Variants in VPS36 observed in about 807,000 individuals in gnomAD.
VPS36 encodes vacuolar protein-sorting-associated protein 36.
In VPS36, 31 loss-of-function variants were observed where a neutral mutation model predicts 63.5. The ratio of observed to expected loss-of-function variants is 0.49; its 90% CI spans 0.37 to 0.66. The LOEUF is 0.66. VPS36 is among the 30% of genes least tolerant of loss of function. The pLI, the probability that VPS36 is intolerant of heterozygous loss-of-function variation, is 0.00. For missense variants in VPS36, 338 were observed against 463.7 expected, an observed-to-expected ratio of 0.73 and a Z score of 2.49; for synonymous variants, 138 against 157.2, an observed-to-expected ratio of 0.88 and a Z score of 0.91.
intron 3 of VPS36, among the ~76,000 whole-genome samples, chr13:52,437,593 C>A (rs1018764106): frequency 2.0e-5 from 3 of 152,108 alleles, no homozygotes; most frequent in Admixed American, 1.3e-4. Context: ...TGTGTACATT[C>A]TTTTATCAAG....
Position 52,427,032 on chromosome 13 carries a change from G to T in VPS36, c.596C>A (p.Ala199Asp). The T allele has an allele frequency of 6.2e-7, 1 of 1,612,528 alleles. No homozygotes were observed. Among genetic ancestry groups the T allele is most frequent in the Non-Finnish European group, 8.5e-7 (1 of 1,179,472 alleles). ...ACCTTGTTTGTCTTTAATTTTATTA[G>T]CAATTGATTTTGATAATTCCACCAT... ...KEMVELSKSI[A>D]NKIKDKQGDI... The change falls in exon 8 of 14, where the codon GCT (alanine) becomes GAT (aspartate). Residue 199 changes from alanine (A) to aspartate (D), a missense_variant. Coordinates refer to ENST00000378060, the MANE Select transcript of VPS36 (RefSeq NM_016075.4).
chr13:52,428,454 T>C (rs1162932551), intron 6 of VPS36, among the ~76,000 whole-genome samples: 1 of 152,212 alleles, frequency 6.6e-6, no homozygotes, highest in East Asian at 1.9e-4. Flanking sequence ...TTGCGTATTC[T>C]TATGGCCAAC....
intron 2 of VPS36, 36 bp from the exon 3 acceptor site, chr13:52,439,204 A>G (rs1241747210): frequency 1.9e-6 from 3 of 1,587,524 alleles, no homozygotes; most frequent in Admixed American, 1.7e-5. Flanking sequence ...GAAAGACTCT[A>G]AACAACATCC....
intron 10 of VPS36, among the ~76,000 whole-genome samples, chr13:52,419,291 C>G (rs141607730): frequency 6.6e-6 from 1 of 152,192 alleles, no homozygotes; most frequent in Non-Finnish European, 1.5e-5. Flanking sequence ...CTGCTGATAC[C>G]CAGCCAAAGG....
At chr13:52,450,465 G>A in intron 1 of VPS36, 34 bp downstream of exon 1, 2 of 1,572,776 alleles carry the variant, frequency 1.3e-6, no homozygotes, top group Non-Finnish European at 1.7e-6. Flanking sequence ...GGTCCCTTCC[G>A]CCAGCCCGTT....
chr13:52,422,315 G>C (rs1160604391), intron 10 of VPS36, among the ~76,000 whole-genome samples: 1 of 151,914 alleles, frequency 6.6e-6, no homozygotes, highest in African/African-American at 2.4e-5. Context: ...TGACTGAATT[G>C]TATTCCATTT....
At chr13:52,428,738 A>AT (rs1170834489) in intron 6 of VPS36, among the ~76,000 whole-genome samples, 7 of 152,098 alleles carry the variant, frequency 4.6e-5, no homozygotes, top group African/African-American at 4.8e-5. Flanking sequence ...ATATTAATAG[A>AT]TTTTTTTATC....
At chr13:52,436,535 C>T in intron 3 of VPS36, 131 bp from the exon 4 acceptor site, 1 of 672,716 alleles carries the variant, frequency 1.5e-6, no homozygotes, top group Admixed American at 2.8e-5. Context: ...CAAAAAGCAT[C>T]CTTTTAAAGT....
chr13:52,444,585 T>C (rs916985387), intron 1 of VPS36, among the ~76,000 whole-genome samples: 104 of 134,284 alleles, frequency 7.7e-4, no homozygotes, highest in Non-Finnish European at 4.6e-4. Flanking sequence ...CACACACACA[T>C]ATATATATGA....
rs754862630 is a variant in VPS36 at position 52,416,055 on chromosome 13, A to C, written c.1029T>G (p.Ala343=). 1 of 1,613,910 alleles carries C rather than the reference A, an allele frequency of 6.2e-7. No individual in the cohort carries two copies. The highest frequency in any genetic ancestry group is 8.5e-7 in the Non-Finnish European group (1 of 1,179,990). ...EKGSLTSEEF[A]KLVGMSVLLA... ...GGAGGACAGACATTCCCACAAGCTT[A>C]GCAAACTCTTCTGATGTTAGGGATC... Residue 343 remains alanine, a synonymous_variant, in exon 13 of 14, where the codon GCT becomes GCG. Coordinates refer to ENST00000378060, the MANE Select transcript of VPS36 (RefSeq NM_016075.4).
intron 12 of VPS36, 128 bp from the exon 13 acceptor site, chr13:52,416,221 C>T (rs1384123003): frequency 1.2e-5 from 11 of 897,224 alleles, no homozygotes; most frequent in Middle Eastern, 2.9e-4. Flanking sequence ...GAATGTCCTA[C>T]TAAAATCCAA....
intron 10 of VPS36, among the ~76,000 whole-genome samples, chr13:52,418,404 G>A (rs1174528186): frequency 2.0e-5 from 3 of 151,638 alleles, no homozygotes; most frequent in East Asian, 1.9e-4. Context: ...GTGAAACCCC[G>A]TCTCTACTAA....
intron 10 of VPS36, among the ~76,000 whole-genome samples, chr13:52,422,658 C>A (rs534665586): frequency 6.6e-6 from 1 of 152,290 alleles, no homozygotes; most frequent in South Asian, 2.1e-4. Context: ...GGGTATTTGG[C>A]TTTCGTTGCT....
chr13:52,438,395 T>A (rs865965988), intron 3 of VPS36, among the ~76,000 whole-genome samples: 3 of 152,216 alleles, frequency 2.0e-5, no homozygotes, highest in Non-Finnish European at 2.9e-5. Context: ...CATAACATTA[T>A]GATCAAGGCA....
At position 52,417,587 on chromosome 13, in the gene VPS36, C is replaced by T. The variant is rs578025427; in HGVS notation, c.905+405G>A. On this transcript the variant is annotated intron_variant, in intron 11 of 13. Transcript: ENST00000378060. ...GTTGGTCAGGTTGGTCTCGAACTCCCGACCTCAGGTGATCTGCCCGCCTCA... is the reference window on the plus strand; with the variant it reads ...GTTGGTCAGGTTGGTCTCGAACTCCTGACCTCAGGTGATCTGCCCGCCTCA... 7.9e-5 allele frequency among the ~76,000 whole-genome samples: 12 copies of T among 152,244 alleles called. No homozygotes were observed. The South Asian group carries it at 2.3e-3, about 29-fold the overall frequency.
intron 5 of VPS36, among the ~76,000 whole-genome samples, 174 bp downstream of exon 5, chr13:52,434,619 A>G (rs61958057): frequency 0.04 from 6,028 of 152,246 alleles, 133 homozygotes; most frequent in South Asian, 0.07. Flanking sequence ...TGGCCTCCCA[A>G]AGTAGTGGGA....
intron 1 of VPS36, 47 bp from the exon 2 acceptor site, chr13:52,442,492 G>T: frequency 6.5e-7 from 1 of 1,529,158 alleles, no homozygotes; most frequent in South Asian, 1.2e-5. Context: ...ATCACTCATT[G>T]TGGTTCCGAT....
chr13:52,430,965 C>T (rs1958149548), intron 6 of VPS36, among the ~76,000 whole-genome samples: 1 of 151,030 alleles, frequency 6.6e-6, no homozygotes, highest in South Asian at 2.1e-4. Flanking sequence ...GATTTTAAAT[C>T]CAAGAAAACT....
chr13:52,444,971 T>C (rs959621970), intron 1 of VPS36, among the ~76,000 whole-genome samples: 3 of 152,250 alleles, frequency 2.0e-5, no homozygotes, highest in African/African-American at 7.2e-5. Flanking sequence ...CTTCTTGACA[T>C]ACATTTTAAA....
Sources: allele counts gnomAD v4.1 joint callset (sites outside exome capture counted in the v4.1 genomes callset), GRCh38; gene constraint gnomAD v4.1.1; transcripts MANE v1.5; gene names NCBI Gene and HGNC (gene_info 2026-07-23, HGNC 2026-07-21).